Variants in KCND3 observed in about 807,000 individuals in gnomAD.
The protein encoded by KCND3 is A-type voltage-gated potassium channel KCND3.
KCND3 carries 9 observed loss-of-function variants against 51.1 expected under a neutral mutation model. The ratio of observed to expected loss-of-function variants is 0.18; its 90% CI spans 0.11 to 0.31. The LOEUF (loss-of-function observed/expected upper bound fraction) is 0.31. KCND3 is among the 10% of genes least tolerant of loss of function. KCND3 has a pLI of 1.00. For missense variants in KCND3, 526 were observed against 903.8 expected, an observed-to-expected ratio of 0.58 and a Z score of 5.36; for synonymous variants, 349 against 368.0, an observed-to-expected ratio of 0.95 and a Z score of 0.59.
chr1:111,926,025 T>C (rs1671681765), intron 2 of KCND3, among the ~76,000 whole-genome samples: 1 of 152,250 alleles, frequency 6.6e-6, no homozygotes, highest in African/African-American at 2.4e-5. Flanking sequence ...TTCCTAATTA[T>C]TGTGCAGTTC....
intron 2 of KCND3, among the ~76,000 whole-genome samples, chr1:111,970,213 T>C (rs1234541778): frequency 1.3e-5 from 2 of 152,220 alleles, no homozygotes; most frequent in East Asian, 3.9e-4. Context: ...GACAGGGTTT[T>C]ACCATGTCAG....
At chr1:111,925,003 G>A (rs904690976) in intron 2 of KCND3, among the ~76,000 whole-genome samples, 2 of 152,178 alleles carry the variant, frequency 1.3e-5, no homozygotes, top group Non-Finnish European at 1.5e-5. Context: ...TGGGCAACCC[G>A]ACCTATCCAG....
chr1:111,785,341 C>G (rs1016530483), intron 3 of KCND3, among the ~76,000 whole-genome samples: 1 of 152,156 alleles, frequency 6.6e-6, no homozygotes, highest in African/African-American at 2.4e-5. Context: ...AAATTTGCTG[C>G]CTGACTTGAA....
chr1:111,801,534 T>C (rs907132868), intron 2 of KCND3, among the ~76,000 whole-genome samples: 1 of 151,994 alleles, frequency 6.6e-6, no homozygotes, highest in Admixed American at 6.6e-5. Flanking sequence ...AGGTGGGAGG[T>C]AGAAGTAGGC....
intron 2 of KCND3, among the ~76,000 whole-genome samples, chr1:111,809,306 TTTTC>T (rs141270541): frequency 0.57 from 82,364 of 144,274 alleles, 23,095 homozygotes; most frequent in East Asian, 0.79. Context: ...GGAAGATTAT[TTTTC>T]TTTCTTTTTT....
chr1:111,980,395 A>G (rs1294000137), intron 2 of KCND3, among the ~76,000 whole-genome samples: 2 of 152,102 alleles, frequency 1.3e-5, no homozygotes, highest in African/African-American at 4.8e-5. Context: ...TGACAAATGT[A>G]ATCATTTTAA....
chr1:111,809,147 T>C (rs893799483), intron 2 of KCND3, among the ~76,000 whole-genome samples: 13 of 152,148 alleles, frequency 8.5e-5, no homozygotes, highest in African/African-American at 3.1e-4. Flanking sequence ...GGGTGGGCCC[T>C]GGGCCGCTGT....
intron 2 of KCND3, among the ~76,000 whole-genome samples, chr1:111,970,899 C>T (rs1207321630): frequency 1.3e-5 from 2 of 152,210 alleles, no homozygotes; most frequent in Non-Finnish European, 2.9e-5. Flanking sequence ...TGAACCATCA[C>T]TTCCCCTAGT....
At chr1:111,902,112 G>A (rs1231475459) in intron 2 of KCND3, among the ~76,000 whole-genome samples, 1 of 152,172 alleles carries the variant, frequency 6.6e-6, no homozygotes, top group Non-Finnish European at 1.5e-5. Flanking sequence ...ATGAAGAGAG[G>A]TGTATCCTTG....
At position 111,872,129 on chromosome 1, in the gene KCND3, C is replaced by T. The variant is rs140746393; in HGVS notation, c.1107-85023G>A. 1.2e-3 allele frequency among the ~76,000 whole-genome samples: 187 copies of T among 152,340 alleles called. 1 individual carries two copies. Among genetic ancestry groups the T allele is most frequent in the African/African-American group, 4.2e-3 (175 of 41,580 alleles). On this transcript the variant is annotated intron_variant, in intron 2 of 7. Transcript: ENST00000302127. ...ACACATTGTAAACACTTCACATGTA[C>T]TAATTCATTTGATCTTCACAATAAC... is the stretch of plus-strand genomic sequence containing the variant.
chr1:111,841,764 A>C (rs916449631), intron 2 of KCND3, among the ~76,000 whole-genome samples: 2 of 152,174 alleles, frequency 1.3e-5, no homozygotes, highest in Non-Finnish European at 2.9e-5. Flanking sequence ...GTCTTCCTTT[A>C]GTGTGTTTGG....
In KCND3 at chr1:111,773,732, T is replaced by C. The variant is rs1664007032; in HGVS notation, c.*2345A>G. ...CACCGCGCCCAGCCCTATTTACCTC[T>C]TTATCTCTTACCCCAGTCAGATCTT... On this transcript the variant is annotated 3_prime_UTR_variant, in exon 8 of 8. Coordinates refer to ENST00000302127, the MANE Select transcript of KCND3 (RefSeq NM_001378969.1). 1 of 152,138 alleles carries C rather than the reference T, an allele frequency of 6.6e-6. No individual in the cohort carries two copies. The highest frequency in any genetic ancestry group is 1.5e-5 in the Non-Finnish European group (1 of 68,040). The allele number at this position is 152,138 out of a possible 1,614,324, so 9.4% of individuals were successfully genotyped here. A position where few individuals can be genotyped will look rare whatever the true frequency, so the allele number is the denominator to read the frequency against.
At chr1:111,801,098 C>T (rs1190785068) in intron 2 of KCND3, among the ~76,000 whole-genome samples, 2 of 152,226 alleles carry the variant, frequency 1.3e-5, no homozygotes, top group Non-Finnish European at 2.9e-5. Flanking sequence ...AGCCTTCTGC[C>T]ACCCTAGGCT....
chr1:111,813,024 C>A (rs1424662654), intron 2 of KCND3, among the ~76,000 whole-genome samples: 3 of 152,106 alleles, frequency 2.0e-5, no homozygotes, highest in Non-Finnish European at 4.4e-5. Context: ...GTGGGGTGCT[C>A]CCACGAGAGT....
chr1:111,947,390 C>T (rs4839191), intron 2 of KCND3, among the ~76,000 whole-genome samples: 151,357 of 152,372 alleles, frequency 0.99, 75,185 homozygotes, highest in Middle Eastern at 1. Flanking sequence ...AATACATAAA[C>T]AGAACATTTC....
In KCND3 at chr1:111,982,520, C is replaced by T. The variant is rs751347311; in HGVS notation, c.207G>A (p.Thr69=). Residue 69 remains threonine (T), a synonymous_variant, in exon 2 of 8, where the codon ACG becomes ACA. Transcript: ENST00000302127. This position sits in a 1 kb window ranked among gnomAD's most constrained non-coding sequence, Gnocchi z 8.5. The part of the protein sequence containing the change: ...ERYPDTLLGS[T]EKEFFFNEDT... ...CCTCGTTGAAGAAGAACTCCTTCTC[C>T]GTGCTGCCCAGCAGGGTGTCCGGGT... 1.4e-4 allele frequency: 228 copies of T among 1,607,216 alleles called. 1 individual carries two copies. The highest frequency in any genetic ancestry group is 1.8e-4 in the Non-Finnish European group (207 of 1,174,766).
chr1:111,777,487 T>G (rs910387642), intron 6 of KCND3, among the ~76,000 whole-genome samples: 3 of 152,222 alleles, frequency 2.0e-5, no homozygotes, highest in African/African-American at 7.2e-5. Flanking sequence ...GGCCATCAGT[T>G]CAAAGGGTAG....
intron 2 of KCND3, among the ~76,000 whole-genome samples, chr1:111,916,456 A>C (rs1249703001): frequency 6.6e-6 from 1 of 152,224 alleles, no homozygotes; most frequent in Non-Finnish European, 1.5e-5. Context: ...AAATGTTTAT[A>C]CTGGAAAATA....
In KCND3 at chr1:111,774,590, T is replaced by G. The variant is rs984136319; in HGVS notation, c.*1487A>C. On this transcript the variant is annotated 3_prime_UTR_variant, in exon 8 of 8. Transcript: ENST00000302127. ...AGAGGTGATGAGGCTTCTCCCCCAT[T>G]TCAGCATCTTCAGGGAGATCAGGCC... The G allele has an allele frequency of 1.3e-5, 2 of 152,238 alleles. No individual in the cohort carries two copies. The highest frequency in any genetic ancestry group is 2.9e-5 in the Non-Finnish European group (2 of 68,054). 9.4% of individuals were successfully genotyped at this position (152,238 alleles called of 1,614,324 possible). A position where few individuals can be genotyped will look rare whatever the true frequency, so the allele number is the denominator to read the frequency against.
Sources: allele counts gnomAD v4.1 joint callset (sites outside exome capture counted in the v4.1 genomes callset), GRCh38; gene constraint gnomAD v4.1.1; non-coding constraint Gnocchi (gnomAD v3.1); transcripts MANE v1.5; gene names NCBI Gene and HGNC (gene_info 2026-07-23, HGNC 2026-07-21).